CALN1: variants seen among roughly 807,000 people sequenced by gnomAD.
CALN1 encodes calneuron 1, also known as calcium-binding protein 8.
CALN1 carries 17 observed loss-of-function variants against 30.6 expected under a neutral mutation model. The ratio of observed to expected loss-of-function variants is 0.56; its 90% CI spans 0.38 to 0.83. The LOEUF is 0.83. Among genes scored for constraint, CALN1 ranks in the 40% least tolerant of loss-of-function variants. The pLI is 0.00. For missense variants in CALN1, 291 were observed against 354.9 expected (o/e 0.82, Z 1.45); for synonymous variants, 156 against 131.4 (o/e 1.19, Z -1.28).
At chr7:72,108,386 G>A (rs1807325396) in intron 3 of CALN1, among the ~76,000 whole-genome samples, 1 of 152,184 alleles carries the variant, frequency 6.6e-6, no homozygotes, top group African/African-American at 2.4e-5. Flanking sequence ...TATCTTTGGG[G>A]GCTGGTTTTG....
At chr7:72,473,433 T>C in the CALN1 span, among the ~76,000 whole-genome samples, 6 of 152,242 alleles carry the variant, frequency 3.9e-5, no homozygotes, top group Non-Finnish European at 8.8e-5. Flanking sequence ...AAAAAATCGC[T>C]CCAGTCTTTC....
intron 4 of CALN1, among the ~76,000 whole-genome samples, chr7:72,082,695 T>C (rs1041411864): frequency 2.6e-5 from 4 of 152,190 alleles, no homozygotes; most frequent in Admixed American, 6.5e-5. Flanking sequence ...GATGTTACCC[T>C]CGAAATCTTT....
chr7:72,215,186 A>C (rs1051336212), intron 3 of CALN1, among the ~76,000 whole-genome samples: 2 of 152,144 alleles, frequency 1.3e-5, no homozygotes, highest in East Asian at 3.9e-4. Context: ...ACATCAATGC[A>C]TGACTGAAGA....
At position 72,255,205 on chromosome 7, in the gene CALN1, C is replaced by T. The variant is rs1009030696; in HGVS notation, c.244+23481G>A. Among the ~76,000 whole-genome samples the T allele has an allele frequency of 2.6e-5, 4 of 151,840 alleles. No individual in the cohort carries two copies. The South Asian group carries it at 8.3e-4, about 32-fold the overall frequency. ...GGCTCAAGCGATTCTCATGCTTCAG[C>T]TTCCCCAGTAGCAGGGATTACAGGT... On this transcript the variant is annotated intron_variant, in intron 3 of 6. Transcript: ENST00000395275.
chr7:72,089,932 C>T (rs529273457), intron 4 of CALN1, among the ~76,000 whole-genome samples: 1 of 152,242 alleles, frequency 6.6e-6, no homozygotes, highest in East Asian at 1.9e-4. Flanking sequence ...AGAGCCAGTA[C>T]CTTCATGAAA....
chr7:72,349,815 C>T (rs1170474884), intron 2 of CALN1, among the ~76,000 whole-genome samples: 1 of 152,098 alleles, frequency 6.6e-6, no homozygotes, highest in African/African-American at 2.4e-5. Context: ...AATTTAAGCA[C>T]CTTATAGATT....
intron 3 of CALN1, among the ~76,000 whole-genome samples, chr7:72,111,757 T>C (rs1167113599): frequency 6.6e-6 from 1 of 151,612 alleles, no homozygotes; most frequent in Non-Finnish European, 1.5e-5. Flanking sequence ...TTCTTTCTTT[T>C]TTTTTTTGTT....
intron 1 of CALN1, among the ~76,000 whole-genome samples, chr7:72,431,290 C>A (rs1354227995): frequency 6.6e-6 from 1 of 152,024 alleles, no homozygotes; most frequent in African/African-American, 2.4e-5. Context: ...CCCTTTTCTT[C>A]AGGTAAAATA....
chr7:72,306,062 A>C (rs1194961334), intron 2 of CALN1, among the ~76,000 whole-genome samples: 1 of 152,210 alleles, frequency 6.6e-6, no homozygotes, highest in Non-Finnish European at 1.5e-5. Flanking sequence ...CATGCCCTAC[A>C]AACCATAAAC....
chr7:71,941,852 T>TTTGGGGA (rs1159207423), intron 5 of CALN1, among the ~76,000 whole-genome samples: 1 of 152,040 alleles, frequency 6.6e-6, no homozygotes, highest in Non-Finnish European at 1.5e-5. Flanking sequence ...TATTAGAATG[T>TTTGGGGA]TTGGGGATTA....
At chr7:72,088,390 G>A (rs1805619318) in intron 4 of CALN1, among the ~76,000 whole-genome samples, 1 of 151,966 alleles carries the variant, frequency 6.6e-6, no homozygotes, top group Admixed American at 6.6e-5. Flanking sequence ...AGGAGCACTC[G>A]TAGACCTTCA....
At chr7:71,955,111 C>T (rs1796889814) in intron 5 of CALN1, among the ~76,000 whole-genome samples, 1 of 152,096 alleles carries the variant, frequency 6.6e-6, no homozygotes, top group African/African-American at 2.4e-5. Context: ...ACCTCGCAAT[C>T]ATGGCAGAAG....
chr7:72,321,998 C>T (rs1800915101), intron 2 of CALN1, among the ~76,000 whole-genome samples: 1 of 152,172 alleles, frequency 6.6e-6, no homozygotes, highest in Non-Finnish European at 1.5e-5. Context: ...TTCCCATGGA[C>T]CGGGGGCAGG....
chr7:71,909,496 A>T (rs1002118329), intron 5 of CALN1, among the ~76,000 whole-genome samples: 1 of 152,150 alleles, frequency 6.6e-6, no homozygotes, highest in African/African-American at 2.4e-5. Context: ...ATGGATTCCA[A>T]TGGATTGGAA....
chr7:72,458,242 A>C, the CALN1 span, among the ~76,000 whole-genome samples: 1,132 of 87,832 alleles, frequency 0.013, 174 homozygotes, highest in African/African-American at 0.053. Context: ...ATTCTATATT[A>C]TATAATATAT....
At chr7:72,416,870 T>G (rs1807440768), upstream of CALN1, among the ~76,000 whole-genome samples, 1 of 151,844 alleles carries the variant, frequency 6.6e-6, no homozygotes. Flanking sequence ...TGGGCTGGGC[T>G]GAGCTGGGCT....
chr7:72,317,688 C>T (rs992002024), intron 2 of CALN1, among the ~76,000 whole-genome samples: 6 of 152,110 alleles, frequency 3.9e-5, no homozygotes, highest in Admixed American at 1.3e-4. Context: ...GAAAGGAGTG[C>T]TAGGCTGAGA....
intron 3 of CALN1, among the ~76,000 whole-genome samples, chr7:72,138,678 C>T (rs1299572866): frequency 1.3e-5 from 2 of 152,144 alleles, no homozygotes; most frequent in Non-Finnish European, 2.9e-5. Context: ...AATTTGTTTA[C>T]GGGAAGAAAA....
chr7:71,862,243 T>G (rs1276913610), intron 5 of CALN1, among the ~76,000 whole-genome samples: 1 of 152,230 alleles, frequency 6.6e-6, no homozygotes, highest in East Asian at 1.9e-4. Flanking sequence ...CTGGAGACAC[T>G]AGCGTATGCT....
Sources: allele counts gnomAD v4.1 joint callset (sites outside exome capture counted in the v4.1 genomes callset), GRCh38; gene constraint gnomAD v4.1.1; transcripts MANE v1.5; gene names NCBI Gene and HGNC (gene_info 2026-07-23, HGNC 2026-07-21).